TMEM117: variants seen among roughly 807,000 people sequenced by gnomAD.
TMEM117 encodes the protein transmembrane protein 117.
In TMEM117, 27 loss-of-function variants were observed where a neutral mutation model predicts 52.4. The ratio of observed to expected loss-of-function variants is 0.51; its 90% CI spans 0.38 to 0.71. The LOEUF is 0.71. Ranked by LOEUF, TMEM117 falls within the 30% of genes least tolerant of loss-of-function variation. The pLI, the probability that TMEM117 is intolerant of heterozygous loss-of-function variation, is 0.00. For missense variants in TMEM117, 556 were observed against 630.5 expected, an observed-to-expected ratio of 0.88 and a Z score of 1.26; for synonymous variants, 215 against 206.3, an observed-to-expected ratio of 1.04 and a Z score of -0.36.
intron 2 of TMEM117, among the ~76,000 whole-genome samples, chr12:43,851,997 G>A (rs1943315628): frequency 6.6e-6 from 1 of 152,208 alleles, no homozygotes; most frequent in Non-Finnish European, 1.5e-5. Context: ...TCATCAAAGT[G>A]TAGAGTATAA....
At chr12:44,301,436 T>C (rs1460024702) in intron 6 of TMEM117, among the ~76,000 whole-genome samples, 1 of 151,972 alleles carries the variant, frequency 6.6e-6, no homozygotes, top group Admixed American at 6.6e-5. Context: ...CATGCTGAAG[T>C]GTTCAGAGAG....
chr12:44,338,918 A>T (rs1951378902), intron 6 of TMEM117, among the ~76,000 whole-genome samples: 1 of 152,094 alleles, frequency 6.6e-6, no homozygotes, highest in Admixed American at 6.6e-5. Context: ...AGCTCTGGGC[A>T]TAGCTTCCAG....
intron 3 of TMEM117, among the ~76,000 whole-genome samples, chr12:44,078,224 G>A (rs1352449627): frequency 6.6e-6 from 1 of 152,148 alleles, no homozygotes; most frequent in Non-Finnish European, 1.5e-5. Flanking sequence ...GTATTTTGAA[G>A]GGTCACACCT....
rs181328612 is a variant in TMEM117 at position 44,336,148 on chromosome 12, G to A, written c.768+36409G>A. On this transcript the variant is annotated intron_variant, in intron 6 of 7. Coordinates refer to ENST00000266534, the MANE Select transcript of TMEM117 (RefSeq NM_032256.3). ...TTGAGGGAAAGCTGTATAGTATTGT[G>A]TTTAAAAGGACAGATTCTAAAGTCA... Among the ~76,000 whole-genome samples the A allele has an allele frequency of 3.9e-5, 6 of 152,074 alleles. No homozygotes were observed. The East Asian group carries it at 1.2e-3, about 29-fold the overall frequency.
At chr12:44,006,080 A>G (rs1333809779) in intron 3 of TMEM117, among the ~76,000 whole-genome samples, 1 of 152,200 alleles carries the variant, frequency 6.6e-6, no homozygotes, top group Non-Finnish European at 1.5e-5. Context: ...CGGATCAGCT[A>G]TAAAGATGGG....
At chr12:44,107,528 A>C (rs1489519826) in intron 3 of TMEM117, among the ~76,000 whole-genome samples, 1 of 152,108 alleles carries the variant, frequency 6.6e-6, no homozygotes, top group Non-Finnish European at 1.5e-5. Context: ...ACTGTATTTT[A>C]ATGTGAGTTG....
At chr12:44,103,798 CTTGAGAAGCTACAATATCTCATCT>C (rs1177174205) in intron 3 of TMEM117, among the ~76,000 whole-genome samples, 1 of 151,952 alleles carries the variant, frequency 6.6e-6, no homozygotes. Context: ...TTTCTTTTCT[CTTGAGAAGCTACAATATCTCATCT>C]TTGACTTTTT....
chr12:44,152,361 T>TA (rs1188582339), intron 4 of TMEM117, among the ~76,000 whole-genome samples: 1 of 109,760 alleles, frequency 9.1e-6, no homozygotes, highest in African/African-American at 3.8e-5. Context: ...TATTTATATG[T>TA]ATTATATCAT....
chr12:44,047,413 C>T (rs867157911), intron 3 of TMEM117, among the ~76,000 whole-genome samples: 4 of 152,080 alleles, frequency 2.6e-5, no homozygotes, highest in Non-Finnish European at 4.4e-5. Context: ...GCTGTGGCAA[C>T]CTTGGATTAC....
At chr12:43,835,956 C>G (rs1166804066), upstream of TMEM117, 1 of 151,638 alleles carries the variant, frequency 6.6e-6, no homozygotes, top group Admixed American at 6.6e-5. Context: ...GTTGCCCGGC[C>G]CGCGGCCGCG....
chr12:44,097,248 C>T (rs1374624848), intron 3 of TMEM117, among the ~76,000 whole-genome samples: 2 of 152,062 alleles, frequency 1.3e-5, no homozygotes, highest in Non-Finnish European at 2.9e-5. Context: ...GAAATAGGAA[C>T]ACTTTTACAC....
At chr12:44,344,929 T>C (rs1385997882) in intron 6 of TMEM117, among the ~76,000 whole-genome samples, 1 of 152,060 alleles carries the variant, frequency 6.6e-6, no homozygotes, top group Non-Finnish European at 1.5e-5. Context: ...TTTGCATTGC[T>C]TCTCCTGCCC....
chr12:44,251,703 A>G (rs1565638171), intron 5 of TMEM117, among the ~76,000 whole-genome samples: 1 of 152,224 alleles, frequency 6.6e-6, no homozygotes, highest in Non-Finnish European at 1.5e-5. Context: ...AGTCCTAACT[A>G]GTCTTTGAGT....
rs188538857 is a variant in TMEM117, at chr12:44,289,331, T to C, written c.609-10249T>C. Among the ~76,000 whole-genome samples, 519 of 151,988 alleles carry C rather than the reference T, an allele frequency of 3.4e-3. 1 individual carries two copies. Among genetic ancestry groups the C allele is most frequent in the Middle Eastern group, 0.01 (3 of 294 alleles). ...GGTTGGTTCTACATCTTGGCTGTTGTGAATAATGATGATATGAACAAGAAA... is the reference window on the plus strand; with the variant it reads ...GGTTGGTTCTACATCTTGGCTGTTGCGAATAATGATGATATGAACAAGAAA... On this transcript the variant is annotated intron_variant, in intron 5 of 7. Transcript: ENST00000266534.
At chr12:43,992,975 T>C (rs182357055) in intron 3 of TMEM117, among the ~76,000 whole-genome samples, 326 of 152,278 alleles carry the variant, frequency 2.1e-3, no homozygotes, top group African/African-American at 7.5e-3. Context: ...ACTAAATATA[T>C]ATTGAATGAA....
chr12:44,101,240 G>A (rs952014088), intron 3 of TMEM117, among the ~76,000 whole-genome samples: 1 of 150,380 alleles, frequency 6.6e-6, no homozygotes, highest in Non-Finnish European at 1.5e-5. Flanking sequence ...TAATACATAT[G>A]TTCAACATAA....
At chr12:44,254,289 A>T (rs1950231563) in intron 5 of TMEM117, among the ~76,000 whole-genome samples, 1 of 152,088 alleles carries the variant, frequency 6.6e-6, no homozygotes, top group Non-Finnish European at 1.5e-5. Context: ...TAGTATGAAG[A>T]GGATTAATAG....
At chr12:44,125,254 G>A (rs1003981647) in intron 3 of TMEM117, among the ~76,000 whole-genome samples, 4 of 152,068 alleles carry the variant, frequency 2.6e-5, no homozygotes, top group Admixed American at 6.5e-5. Context: ...ACAGGCGTCC[G>A]CCACCAAGCC....
chr12:44,096,459 A>G (rs113299140), intron 3 of TMEM117, among the ~76,000 whole-genome samples: 3 of 152,256 alleles, frequency 2.0e-5, no homozygotes, highest in African/African-American at 7.2e-5. Context: ...CCTGACTTCA[A>G]ACTATACTAC....
Sources: allele counts gnomAD v4.1 joint callset (sites outside exome capture counted in the v4.1 genomes callset), GRCh38; gene constraint gnomAD v4.1.1; transcripts MANE v1.5; gene names NCBI Gene and HGNC (gene_info 2026-07-23, HGNC 2026-07-21).